RFX1: variants seen among roughly 807,000 people sequenced by gnomAD.
RFX1 encodes MHC class II regulatory factor RFX1.
RFX1 carries 42 observed loss-of-function variants against 119.6 expected under a neutral mutation model. That is an observed-to-expected ratio of 0.35 (90% confidence interval 0.27 to 0.45). The LOEUF is 0.45. Among genes scored for constraint, RFX1 ranks in the 20% least tolerant of loss-of-function variants. The pLI is 1.00. For synonymous variants in RFX1, 628 were observed against 618.5 expected, an observed-to-expected ratio of 1.02 and a Z score of -0.23; for missense variants, 1,118 against 1,368.1, an observed-to-expected ratio of 0.82 and a Z score of 2.88.
intron 8 of RFX1, 46 bp from the exon 9 acceptor site, chr19:13,973,173 G>T: frequency 7.0e-7 from 1 of 1,428,888 alleles, no homozygotes; most frequent in East Asian, 2.4e-5. Flanking sequence ...GATGAGAACT[G>T]GGGGGCCGAG....
At chr19:14,005,326 G>C (rs1331319940) in intron 1 of RFX1, among the ~76,000 whole-genome samples, 2 of 152,196 alleles carry the variant, frequency 1.3e-5, no homozygotes, top group Non-Finnish European at 2.9e-5. Context: ...GCTCCTCCAT[G>C]AAACTTTGCT....
intron 7 of RFX1, among the ~76,000 whole-genome samples, chr19:13,979,148 C>G (rs879740110): frequency 1.1e-4 from 16 of 152,140 alleles, no homozygotes; most frequent in Non-Finnish European, 1.3e-4. Context: ...GGCCTCCACC[C>G]ACCGGGTTGC....
In RFX1 at chr19:13,990,640, A is replaced by AC. The variant is rs1411670484; in HGVS notation, c.319+2884dup. 4.6e-5 allele frequency among the ~76,000 whole-genome samples: 7 copies of AC among 152,124 alleles called. No homozygotes were observed. The highest frequency in any genetic ancestry group is 1.7e-4 in the African/African-American group (7 of 41,418). ...AGACCATCCTGGCTAACACAGTGAA[A>AC]CCCCGTCTCTACTAAAAATACAAAA... is the stretch of plus-strand genomic sequence containing the variant. On this transcript the variant is annotated intron_variant, in intron 2 of 20. Coordinates refer to ENST00000254325, the MANE Select transcript of RFX1 (RefSeq NM_002918.5). The surrounding 1 kb of genome is among the most constrained non-coding windows in gnomAD (Gnocchi z 4.1).
intron 2 of RFX1, among the ~76,000 whole-genome samples, chr19:13,993,296 AAAAAT>A (rs1974866051): frequency 6.6e-6 from 1 of 152,186 alleles, no homozygotes; most frequent in Non-Finnish European, 1.5e-5. Flanking sequence ...CTCTGTCTCA[AAAAAT>A]AAAATAAAAC....
intron 2 of RFX1, among the ~76,000 whole-genome samples, chr19:13,991,527 C>T (rs1974800840): frequency 2.0e-5 from 3 of 152,134 alleles, no homozygotes; most frequent in Non-Finnish European, 4.4e-5. Flanking sequence ...TGCCCTGAGT[C>T]CCTGCATGTT....
chr19:13,977,958 T>C, intron 8 of RFX1, 34 bp downstream of exon 8: 1 of 1,539,648 alleles, frequency 6.5e-7, no homozygotes, highest in East Asian at 2.3e-5. Context: ...AGTGCAGACC[T>C]GACTCCCTCA....
intron 2 of RFX1, among the ~76,000 whole-genome samples, chr19:13,987,968 G>T (rs1209785635): frequency 6.6e-6 from 1 of 151,502 alleles, no homozygotes; most frequent in African/African-American, 2.4e-5. Flanking sequence ...GTCCGGCCTA[G>T]CTCTGTCTGA....
In RFX1 at chr19:13,969,876, C is replaced by T. The variant is rs116257936; in HGVS notation, c.1496+118G>A. 1,437 of 1,063,044 alleles carry T rather than the reference C, an allele frequency of 1.4e-3. 26 individuals carry two copies. In the African/African-American group the frequency reaches 0.021, roughly 15 times the overall value. The allele number at this position is 1,063,044 out of a possible 1,614,324, so 65.9% of individuals were successfully genotyped here. The stretch of plus-strand genomic sequence containing the variant: ...AGTGAGCGGGGCTGTCGAGGAGCCT[C>T]GCAGAGGCCGGCGGGACTGGGCTGG... On this transcript the variant is annotated intron_variant, in intron 10 of 20. Coordinates refer to ENST00000254325, the MANE Select transcript of RFX1 (RefSeq NM_002918.5). The surrounding 1 kb of genome is among the most constrained non-coding windows in gnomAD (Gnocchi z 4.5).
At position 13,963,541 on chromosome 19, in the gene RFX1, T is replaced by C. The variant is rs1204953321; in HGVS notation, c.2567A>G (p.Tyr856Cys). The part of the protein sequence containing the change: ...AKLFLLKWSF[Y>C]SSMVIRDLTL... Reference sequence around the variant, plus strand: ...CCCGATCCCGCCGCGCGCGCACCTGTAGAAGGACCACTTGAGGAGGAAGAG... The same window carrying C: ...CCCGATCCCGCCGCGCGCGCACCTGCAGAAGGACCACTTGAGGAGGAAGAG... Residue 856 changes from tyrosine (Y) to cysteine (C), a missense_variant, in exon 18 of 21, where the codon TAC (tyrosine) becomes TGC (cysteine). Around this residue, in one of 5 missense-constraint regions of RFX1, gnomAD observed 32 missense variants for 71.5 expected, o/e 0.45. Transcript: ENST00000254325. 1 of 1,600,982 alleles carries C rather than the reference T, an allele frequency of 6.2e-7. No individual in the cohort carries two copies. Among genetic ancestry groups the C allele is most frequent in the Non-Finnish European group, 8.5e-7 (1 of 1,177,996 alleles).
intron 4 of RFX1, among the ~76,000 whole-genome samples, chr19:13,982,656 T>A (rs1177541231): frequency 6.6e-6 from 1 of 152,036 alleles, no homozygotes; most frequent in Non-Finnish European, 1.5e-5. Flanking sequence ...ATACAAAAAT[T>A]AGCCAGGTGT....
At position 13,986,294 on chromosome 19, in the gene RFX1, A is replaced by C. The variant is rs903566684; in HGVS notation, c.320-2699T>G. On this transcript the variant is annotated intron_variant, in intron 2 of 20. Coordinates refer to ENST00000254325, the MANE Select transcript of RFX1 (RefSeq NM_002918.5). This position sits in a 1 kb window ranked among gnomAD's most constrained non-coding sequence, Gnocchi z 4.2. ...GCTGAGCAGGACCTACAGCAGGAGG[A>C]GGCCTGGGGACCTGCTGAGACCAGG... Among the ~76,000 whole-genome samples, 6 of 152,160 alleles carry C rather than the reference A, an allele frequency of 3.9e-5. No individual in the cohort carries two copies. In the East Asian group the frequency reaches 5.8e-4, roughly 15 times the overall value.
chr19:13,980,839 C>G lies in RFX1; in HGVS notation c.622-150G>C. The G allele has an allele frequency of 1.7e-6, 1 of 576,322 alleles. No homozygotes were observed. 35.7% of individuals were successfully genotyped at this position (576,322 alleles called of 1,614,324 possible). A position where few individuals can be genotyped will look rare whatever the true frequency, so the allele number is the denominator to read the frequency against. ...CCAACCACCGAGGCTGGTAACTGACCGCGTCCCACGCATCCAAATGCCTAC... is the reference window on the plus strand; with the variant it reads ...CCAACCACCGAGGCTGGTAACTGACGGCGTCCCACGCATCCAAATGCCTAC... On this transcript the variant is annotated intron_variant, in intron 5 of 20. Transcript: ENST00000254325. This position sits in a 1 kb window ranked among gnomAD's most constrained non-coding sequence, Gnocchi z 5.1.
chr19:13,977,298 A>C (rs1974278719), intron 8 of RFX1, among the ~76,000 whole-genome samples: 2 of 151,910 alleles, frequency 1.3e-5, no homozygotes, highest in African/African-American at 4.8e-5. Context: ...CATCTCAAAA[A>C]AAAAAACAAA....
intron 18 of RFX1, 54 bp downstream of exon 18, chr19:13,963,484 G>A (rs1356449254): frequency 6.6e-7 from 1 of 1,520,358 alleles, no homozygotes; most frequent in Admixed American, 1.9e-5. Flanking sequence ...GAGACCCCCA[G>A]GGACGCGGGG....
chr19:13,996,569 T>G (rs1975028015), intron 1 of RFX1, among the ~76,000 whole-genome samples: 1 of 152,150 alleles, frequency 6.6e-6, no homozygotes, highest in Admixed American at 6.5e-5. Context: ...CATGCCCATT[T>G]TACAGATGAG....
intron 1 of RFX1, among the ~76,000 whole-genome samples, chr19:13,994,920 AT>A (rs1173422427): frequency 7.2e-4 from 71 of 98,904 alleles, no homozygotes; most frequent in African/African-American, 2.4e-3. Context: ...ATATATATAT[AT>A]ATATATATAT....
Position 13,962,757 on chromosome 19 carries a change from G to A in RFX1, c.2878C>T (p.Pro960Ser). The change falls in exon 21 of 21, where the codon CCG (proline) becomes TCG (serine). Residue 960 changes from proline to serine, a missense_variant. By Grantham distance (74) the Pro-to-Ser change is moderately conservative (BLOSUM62 -1). Transcript: ENST00000254325. ...PALGPETLEP[P>S]AKLARTDARG... ...GCGTCAGTCCGCGCCAGCTTGGCCG[G>A]CGGCTCCAGGGTCTCCGGGCCCAGC... The A allele has an allele frequency of 6.5e-7, 1 of 1,530,524 alleles. No homozygotes were observed. Among genetic ancestry groups the A allele is most frequent in the Non-Finnish European group, 8.7e-7 (1 of 1,143,628 alleles). The allele number at this position is 1,530,524 out of a possible 1,614,324, so 94.8% of individuals were successfully genotyped here.
In RFX1 at chr19:13,980,021, AT is replaced by A. The variant is rs531485777; in HGVS notation, c.739-480del. ...GGGCTCTAGTGCCAGGCGGGGGAGTATCTGTGAAACCTCTGGGACAGGGTTT... is the reference window on the plus strand; with the variant it reads ...GGGCTCTAGTGCCAGGCGGGGGAGTACTGTGAAACCTCTGGGACAGGGTTT... On this transcript the variant is annotated intron_variant, in intron 6 of 20. Transcript: ENST00000254325. The surrounding 1 kb of genome is among the most constrained non-coding windows in gnomAD (Gnocchi z 5.1). 1.4e-3 allele frequency among the ~76,000 whole-genome samples: 218 copies of A among 152,112 alleles called. 1 individual carries two copies. The highest frequency in any genetic ancestry group is 5.1e-3 in the African/African-American group (213 of 41,486).
rs35373374 is a variant in RFX1 at position 13,990,517 on chromosome 19, CA to C, written c.319+3007del. Among the ~76,000 whole-genome samples, 2 of 151,278 alleles carry C rather than the reference CA, an allele frequency of 1.3e-5. No homozygotes were observed. Among genetic ancestry groups the C allele is most frequent in the Non-Finnish European group, 3.0e-5 (2 of 67,748 alleles). On this transcript the variant is annotated intron_variant, in intron 2 of 20. Transcript: ENST00000254325. The surrounding 1 kb of genome is among the most constrained non-coding windows in gnomAD (Gnocchi z 4.1). ...GCAACATAGTGAGACTCTGTCTCTA[CA>C]AAAAAATTAAAAGATTAGGCCGGGC...
Sources: allele counts gnomAD v4.1 joint callset (sites outside exome capture counted in the v4.1 genomes callset), GRCh38; gene constraint gnomAD v4.1.1; regional missense constraint gnomAD v4.1.1; non-coding constraint Gnocchi (gnomAD v3.1); transcripts MANE v1.5; gene names NCBI Gene and HGNC (gene_info 2026-07-23, HGNC 2026-07-21).